The following R3HCC1L variants were observed in gnomAD, a reference collection of about 807,000 sequenced individuals.
R3HCC1L encodes the protein coiled-coil domain-containing protein R3HCC1L.
In R3HCC1L, 51 loss-of-function variants were observed where a neutral mutation model predicts 59.9. The observed-to-expected ratio is 0.85, with a 90% CI of 0.68 to 1.07. The LOEUF is 1.07. Ranked by LOEUF, R3HCC1L falls within the 50% of genes least tolerant of loss-of-function variation. The pLI, the probability that R3HCC1L is intolerant of heterozygous loss-of-function variation, is 0.00. For missense variants in R3HCC1L, 965 were observed against 933.0 expected, an observed-to-expected ratio of 1.03 and a Z score of -0.45; for synonymous variants, 322 against 315.2, an observed-to-expected ratio of 1.02 and a Z score of -0.23.
chr10:98,144,493 C>T (rs1183076833), intron 1 of R3HCC1L, among the ~76,000 whole-genome samples: 11 of 152,154 alleles, frequency 7.2e-5, no homozygotes, highest in Admixed American at 5.2e-4. Context: ...GGATTATAGG[C>T]GTGAGCCACC....
chr10:98,209,068 A>G lies in R3HCC1L; in HGVS notation c.954A>G (p.Ser318=), dbSNP rs1853165030. 7 of 1,613,904 alleles carry G rather than the reference A, an allele frequency of 4.3e-6. No individual in the cohort carries two copies. The highest frequency in any genetic ancestry group is 1.1e-5 in the South Asian group (1 of 91,076). The part of the protein sequence containing the change: ...IPATMGHISL[S]ESTNDTVSPV... ...CAACTATGGGTCACATCTCTCTGTC[A>G]GAGAGCACAAATGACACTGTTAGTC... Residue 318 remains serine (S), a synonymous_variant, in exon 5 of 10, where the codon TCA becomes TCG. Transcript: ENST00000298999.
intron 5 of R3HCC1L, among the ~76,000 whole-genome samples, chr10:98,213,793 A>G (rs1447082466): frequency 6.6e-6 from 1 of 152,146 alleles, no homozygotes; most frequent in Non-Finnish European, 1.5e-5. Context: ...ATATCTTTTA[A>G]AAGTTCCAGC....
chr10:98,213,154 A>G lies in R3HCC1L; in HGVS notation c.1785+3255A>G, dbSNP rs2135342377. Among the ~76,000 whole-genome samples, 4 of 152,306 alleles carry G rather than the reference A, an allele frequency of 2.6e-5. No homozygotes were observed. The Middle Eastern group carries it at 0.01, about 389-fold the overall frequency. ...AGTCACTAAAAGCAAATTATGTAAC[A>G]TACAAAGAGAGGAAAGCCCTTCATA... is the stretch of plus-strand genomic sequence containing the variant. On this transcript the variant is annotated intron_variant, in intron 5 of 9. Coordinates refer to ENST00000298999, the MANE Select transcript of R3HCC1L (RefSeq NM_001351015.2).
At chr10:98,211,356 A>G in intron 5 of R3HCC1L, 1 of 1,531,700 alleles carries the variant, frequency 6.5e-7, no homozygotes, top group South Asian at 1.2e-5. Context: ...AAGGTAATAC[A>G]CTTAAATCTA....
intron 4 of R3HCC1L, among the ~76,000 whole-genome samples, chr10:98,179,439 C>G (rs61875274): frequency 0.18 from 27,970 of 151,996 alleles, 2,716 homozygotes; most frequent in Non-Finnish European, 0.2. Flanking sequence ...GATAAGCTTT[C>G]TGATGTGCTG....
chr10:98,210,336 A>G (rs1853422545), intron 5 of R3HCC1L, among the ~76,000 whole-genome samples: 2 of 152,202 alleles, frequency 1.3e-5, no homozygotes, highest in Non-Finnish European at 2.9e-5. Flanking sequence ...AAAGAAGGGT[A>G]AAATACAAGA....
chr10:98,242,211 G>T (rs575789898), intron 9 of R3HCC1L, among the ~76,000 whole-genome samples: 1 of 152,220 alleles, frequency 6.6e-6, no homozygotes, highest in South Asian at 2.1e-4. Flanking sequence ...GCCAGGCATG[G>T]TGGCATGTGC....
At chr10:98,192,130 T>C (rs149695678) in intron 4 of R3HCC1L, among the ~76,000 whole-genome samples, 31 of 151,440 alleles carry the variant, frequency 2.0e-4, no homozygotes, top group Middle Eastern at 3.4e-3. Flanking sequence ...CAGCCTGGAC[T>C]TTTTTTTTAA....
intron 2 of R3HCC1L, among the ~76,000 whole-genome samples, chr10:98,162,215 A>C (rs903617635): frequency 6.6e-6 from 1 of 152,122 alleles, no homozygotes; most frequent in African/African-American, 2.4e-5. Flanking sequence ...ATATTGGTGG[A>C]CATTAAAGTT....
chr10:98,228,674 G>A (rs1263073163), intron 5 of R3HCC1L, among the ~76,000 whole-genome samples: 3 of 152,122 alleles, frequency 2.0e-5, no homozygotes, highest in African/African-American at 7.2e-5. Context: ...TGTGTCCTGA[G>A]TGGTATTGCC....
intron 4 of R3HCC1L, among the ~76,000 whole-genome samples, chr10:98,180,166 T>C (rs756104385): frequency 1.3e-5 from 2 of 152,224 alleles, no homozygotes; most frequent in Non-Finnish European, 2.9e-5. Context: ...CGATTTTAGA[T>C]CTTTCCTGCT....
At chr10:98,218,454 C>T (rs1169477258) in intron 5 of R3HCC1L, among the ~76,000 whole-genome samples, 4 of 151,890 alleles carry the variant, frequency 2.6e-5, no homozygotes, top group African/African-American at 9.7e-5. Flanking sequence ...GTTAGTCTAG[C>T]TGGTGTTTTA....
intron 7 of R3HCC1L, among the ~76,000 whole-genome samples, chr10:98,234,903 C>G (rs1856756523): frequency 6.6e-6 from 1 of 152,062 alleles, no homozygotes; most frequent in South Asian, 2.1e-4. Context: ...AATACATACC[C>G]TCTGAATATA....
chr10:98,225,798 A>G (rs1054958540), intron 5 of R3HCC1L, among the ~76,000 whole-genome samples: 1 of 152,202 alleles, frequency 6.6e-6, no homozygotes, highest in Admixed American at 6.5e-5. Flanking sequence ...AAAGGAGCAT[A>G]ATCAAATTTT....
At chr10:98,242,786 TCTC>T (rs1228436460) in intron 9 of R3HCC1L, among the ~76,000 whole-genome samples, 1 of 152,228 alleles carries the variant, frequency 6.6e-6, no homozygotes, top group Admixed American at 6.5e-5. Flanking sequence ...TGCCTTTAGA[TCTC>T]CTCCTAACTT....
At chr10:98,149,787 C>T (rs1478707298) in intron 1 of R3HCC1L, among the ~76,000 whole-genome samples, 2 of 152,182 alleles carry the variant, frequency 1.3e-5, no homozygotes, top group African/African-American at 4.8e-5. Context: ...CATGTGTGTT[C>T]TGTGGCACTT....
At chr10:98,195,640 A>C (rs1851355101) in intron 4 of R3HCC1L, among the ~76,000 whole-genome samples, 1 of 152,118 alleles carries the variant, frequency 6.6e-6, no homozygotes, top group Non-Finnish European at 1.5e-5. Flanking sequence ...CTAAAAGTAG[A>C]TTGTACCTTC....
At position 98,147,252 on chromosome 10, in the gene R3HCC1L, A is replaced by G. The variant is rs367713318; in HGVS notation, c.-267-8841A>G. On this transcript the variant is annotated intron_variant, in intron 1 of 9. Coordinates refer to ENST00000298999, the MANE Select transcript of R3HCC1L (RefSeq NM_001351015.2). ...AGATCTTTTGCCTGTTTTTAAATCA[A>G]TCTGATTTGTTTGTTCTTTTGCTGT... 1.8e-4 allele frequency among the ~76,000 whole-genome samples: 27 copies of G among 152,032 alleles called. No homozygotes were observed. In the South Asian group the frequency reaches 2.1e-3, roughly 12 times the overall value.
At chr10:98,191,378 T>C (rs1276234492) in intron 4 of R3HCC1L, among the ~76,000 whole-genome samples, 1 of 152,224 alleles carries the variant, frequency 6.6e-6, no homozygotes, top group Non-Finnish European at 1.5e-5. Flanking sequence ...TCATCATGGT[T>C]TTGATTTGCG....
Sources: gnomAD v4.1 joint callset for allele counts (sites outside exome capture counted in the v4.1 genomes callset) on GRCh38, gnomAD v4.1.1 for gene constraint, MANE v1.5 for transcripts, NCBI Gene and HGNC (gene_info 2026-07-23, HGNC 2026-07-21) for gene names.